The following PHACTR1 variants were observed in gnomAD, a reference collection of about 807,000 sequenced individuals.
PHACTR1 encodes RPEL repeat containing 1.
In PHACTR1, 16 loss-of-function variants were observed where a neutral mutation model predicts 69.2. The observed-to-expected ratio is 0.23, with a 90% CI of 0.16 to 0.35. PHACTR1 has a LOEUF of 0.35. PHACTR1 is among the 10% of genes least tolerant of loss of function. The pLI, the probability that PHACTR1 is intolerant of heterozygous loss-of-function variation, is 1.00. For synonymous variants in PHACTR1, 312 were observed against 284.5 expected (o/e 1.10, Z -0.97); for missense variants, 510 against 734.7 (o/e 0.69, Z 3.54).
chr6:13,139,299 AT>A (rs371026944), intron 5 of PHACTR1, among the ~76,000 whole-genome samples: 67 of 152,272 alleles, frequency 4.4e-4, no homozygotes, highest in African/African-American at 1.6e-3. Flanking sequence ...AGCCACATAC[AT>A]CCATTTGCAT....
In PHACTR1 at chr6:12,722,421, A is replaced by C. The variant is rs140712524; in HGVS notation, c.103+3574A>C. ...TTAGTCATGTGCAAAATCTTTATCC[A>C]AAGCAACAATGCCAGAATTATGTTT... On this transcript the variant is annotated intron_variant, in intron 3 of 14. Coordinates refer to ENST00000332995, the MANE Select transcript of PHACTR1 (RefSeq NM_030948.6). Among the ~76,000 whole-genome samples, 668 of 152,300 alleles carry C rather than the reference A, an allele frequency of 4.4e-3. 4 individuals carry two copies. Among genetic ancestry groups the C allele is most frequent in the African/African-American group, 0.015 (635 of 41,572 alleles).
intron 4 of PHACTR1, among the ~76,000 whole-genome samples, chr6:12,781,488 G>A (rs560004760): frequency 3.9e-5 from 6 of 152,260 alleles, no homozygotes; most frequent in African/African-American, 4.8e-5. Context: ...GGGCCTACAC[G>A]GGCTCTAGGA....
chr6:13,084,707 A>G (rs1480562622), intron 5 of PHACTR1, among the ~76,000 whole-genome samples: 1 of 152,112 alleles, frequency 6.6e-6, no homozygotes, highest in Non-Finnish European at 1.5e-5. Flanking sequence ...AAGAGCCAGT[A>G]TCCTACATAA....
At chr6:13,251,077 A>G (rs1454464944) in intron 10 of PHACTR1, among the ~76,000 whole-genome samples, 1 of 152,214 alleles carries the variant, frequency 6.6e-6, no homozygotes, top group Non-Finnish European at 1.5e-5. Context: ...CATCGTCCAC[A>G]TGCCTCTCCC....
intron 4 of PHACTR1, among the ~76,000 whole-genome samples, chr6:12,765,960 T>C (rs1485439500): frequency 1.3e-5 from 2 of 152,138 alleles, no homozygotes; most frequent in African/African-American, 4.8e-5. Context: ...TGCCTTTGAT[T>C]TTGCCAGTTT....
intron 12 of PHACTR1, chr6:13,281,396 A>C (rs398151): frequency 0.66 from 204,183 of 308,890 alleles, 68,897 homozygotes; most frequent in Admixed American, 0.73. Context: ...TCTATTAAAA[A>C]TACAAAAATT....
At chr6:12,952,652 G>T (rs889645391) in intron 4 of PHACTR1, among the ~76,000 whole-genome samples, 4 of 152,148 alleles carry the variant, frequency 2.6e-5, no homozygotes, top group African/African-American at 9.7e-5. Flanking sequence ...CCAACTTTTG[G>T]CAATTATGCA....
chr6:13,133,008 C>T (rs918115035), intron 5 of PHACTR1, among the ~76,000 whole-genome samples: 4 of 152,144 alleles, frequency 2.6e-5, no homozygotes, highest in Admixed American at 2.6e-4. Flanking sequence ...CCTCTCAAAC[C>T]CTGCTGCTGC....
intron 8 of PHACTR1, among the ~76,000 whole-genome samples, chr6:13,217,353 G>T (rs1046781047): frequency 1.3e-5 from 2 of 152,200 alleles, no homozygotes; most frequent in East Asian, 1.9e-4. Context: ...CTGACTCTCT[G>T]TCCTGCCTTT....
chr6:12,871,543 C>T (rs1782028109), intron 4 of PHACTR1, among the ~76,000 whole-genome samples: 1 of 152,036 alleles, frequency 6.6e-6, no homozygotes, highest in Non-Finnish European at 1.5e-5. Context: ...TGTTTCATCC[C>T]CATAGTGTCA....
At chr6:12,824,673 C>T (rs750695551) in intron 4 of PHACTR1, among the ~76,000 whole-genome samples, 49 of 152,298 alleles carry the variant, frequency 3.2e-4, no homozygotes, top group Non-Finnish European at 5.4e-4. Flanking sequence ...CTTTTCCTAG[C>T]ACTATTTTCA....
At chr6:12,944,792 T>TTATTCA (rs763631079) in intron 4 of PHACTR1, among the ~76,000 whole-genome samples, 1 of 146,996 alleles carries the variant, frequency 6.8e-6, no homozygotes, top group Non-Finnish European at 1.5e-5. Context: ...TATTTATTTT[T>TTATTCA]TTTTTTTTGA....
At chr6:13,284,863 A>T (rs1233619342) in intron 13 of PHACTR1, among the ~76,000 whole-genome samples, 1 of 152,066 alleles carries the variant, frequency 6.6e-6, no homozygotes, top group Non-Finnish European at 1.5e-5. Flanking sequence ...TCCAGAGACG[A>T]CCTCGCCTGT....
At chr6:12,997,042 G>C (rs1797498984) in intron 4 of PHACTR1, among the ~76,000 whole-genome samples, 1 of 151,946 alleles carries the variant, frequency 6.6e-6, no homozygotes, top group South Asian at 2.1e-4. Context: ...GCGCATGCCT[G>C]TAATCCCAGC....
intron 10 of PHACTR1, among the ~76,000 whole-genome samples, chr6:13,268,160 G>A (rs566759854): frequency 3.9e-5 from 6 of 152,272 alleles, no homozygotes; most frequent in Admixed American, 2.0e-4. Context: ...CCAGCTACTC[G>A]GGAAGCTGAG....
At chr6:13,048,320 C>T (rs1255375790) in intron 4 of PHACTR1, among the ~76,000 whole-genome samples, 1 of 152,202 alleles carries the variant, frequency 6.6e-6, no homozygotes, top group Non-Finnish European at 1.5e-5. Flanking sequence ...AGCATTTTCT[C>T]CAGACAGCAT....
intron 4 of PHACTR1, among the ~76,000 whole-genome samples, chr6:12,894,884 A>T (rs894573484): frequency 6.6e-6 from 1 of 152,204 alleles, no homozygotes; most frequent in Non-Finnish European, 1.5e-5. Context: ...TTTAATGTAG[A>T]TCCTTCCATA....
intron 4 of PHACTR1, among the ~76,000 whole-genome samples, chr6:12,797,114 T>C (rs905797616): frequency 6.6e-6 from 1 of 151,506 alleles, no homozygotes. Context: ...CTGCCAAACC[T>C]GAGGCCTTCC....
At chr6:12,757,440 G>A (rs773364194) in intron 4 of PHACTR1, among the ~76,000 whole-genome samples, 12 of 152,122 alleles carry the variant, frequency 7.9e-5, no homozygotes, top group Non-Finnish European at 1.3e-4. Context: ...AGGGATTTGC[G>A]CATAGGAGTA....
Sources: allele counts gnomAD v4.1 joint callset (sites outside exome capture counted in the v4.1 genomes callset), GRCh38; gene constraint gnomAD v4.1.1; transcripts MANE v1.5; gene names NCBI Gene and HGNC (gene_info 2026-07-23, HGNC 2026-07-21).